IFTAP: variants seen among roughly 807,000 people sequenced by gnomAD.
IFTAP encodes intraflagellar transport associated protein, also known as intraflagellar transport-associated protein.
IFTAP carries 19 observed loss-of-function variants against 19.4 expected under a neutral mutation model. The observed-to-expected ratio is 0.98, with a 90% CI of 0.68 to 1.44. IFTAP has a LOEUF of 1.44. Among genes scored for constraint, IFTAP ranks in the 40% most tolerant of loss-of-function variants. IFTAP has a pLI of 0.00. For synonymous variants in IFTAP, 85 were observed against 83.5 expected (o/e 1.02, Z -0.10); for missense variants, 240 against 253.6 (o/e 0.95, Z 0.36).
At chr11:36,598,920 T>C (rs1851397709) in intron 1 of IFTAP, among the ~76,000 whole-genome samples, 1 of 152,224 alleles carries the variant, frequency 6.6e-6, no homozygotes, top group Admixed American at 6.5e-5. Context: ...AGATAATGTA[T>C]GCAAAGTGTT....
chr11:36,625,211 C>T (rs1216828660), intron 2 of IFTAP, among the ~76,000 whole-genome samples: 2 of 151,964 alleles, frequency 1.3e-5, no homozygotes, highest in African/African-American at 4.8e-5. Context: ...ACTTCTACTT[C>T]ATTAAGTTGT....
chr11:36,615,771 C>A (rs1254664173), intron 2 of IFTAP, among the ~76,000 whole-genome samples: 1 of 148,836 alleles, frequency 6.7e-6, no homozygotes, highest in Non-Finnish European at 1.5e-5. Context: ...GATTTTGTAT[C>A]CTGAGACTTT....
chr11:36,610,062 G>A lies in IFTAP; in HGVS notation c.-23-19G>A. The stretch of plus-strand genomic sequence containing the variant: ...GGTATTGCCTGATTCTCTCTAGCTG[G>A]TATTTTTCTGTCTTGCAGATACTGT... On this transcript the variant is annotated intron_variant, in intron 1 of 5. Transcript: ENST00000334307. 2 of 1,603,150 alleles carry A rather than the reference G, an allele frequency of 1.2e-6. No individual in the cohort carries two copies. The highest frequency in any genetic ancestry group is 1.3e-5 in the African/African-American group (1 of 74,424).
intron 5 of IFTAP, among the ~76,000 whole-genome samples, chr11:36,655,999 T>C (rs984225010): frequency 2.6e-5 from 4 of 152,160 alleles, no homozygotes; most frequent in Admixed American, 6.6e-5. Flanking sequence ...AATAAGATGT[T>C]TCTATTTTTA....
At chr11:36,656,900 A>C (rs1438889481) in intron 5 of IFTAP, among the ~76,000 whole-genome samples, 1 of 152,078 alleles carries the variant, frequency 6.6e-6, no homozygotes, top group Non-Finnish European at 1.5e-5. Context: ...GATTTGTCTA[A>C]TTTGAAATTG....
chr11:36,642,851 CA>C (rs1853288618), intron 4 of IFTAP, among the ~76,000 whole-genome samples: 1 of 152,116 alleles, frequency 6.6e-6, no homozygotes, highest in Non-Finnish European at 1.5e-5. Context: ...ATTGATGGGA[CA>C]TATCTCAAAA....
intron 2 of IFTAP, among the ~76,000 whole-genome samples, chr11:36,620,670 A>T (rs1023882829): frequency 2.0e-5 from 3 of 151,986 alleles, no homozygotes; most frequent in African/African-American, 7.2e-5. Context: ...AGGAAAGAAA[A>T]TGTATTTAAA....
At position 36,622,083 on chromosome 11, in the gene IFTAP, A is replaced by ATTTTTTTT. The variant is rs199873596; in HGVS notation, c.137-11195_137-11194insTTTTTTTT. ...TTATTTTACTTTAAGCTCTTGTTCTATTTTTTATTTTTTTTTTTGTGAAGG... is the reference window on the plus strand; with the variant it reads ...TTATTTTACTTTAAGCTCTTGTTCTATTTTTTTTTTTTTTATTTTTTTTTTTGTGAAGG... On this transcript the variant is annotated intron_variant, in intron 2 of 5. Transcript: ENST00000334307. Among the ~76,000 whole-genome samples, 1,020 of 137,952 alleles carry ATTTTTTTT rather than the reference A, an allele frequency of 7.4e-3. 24 individuals carry two copies. The highest frequency in any genetic ancestry group is 0.013 in the African/African-American group (449 of 35,670). 90.5% of individuals were successfully genotyped at this position (137,952 alleles called of 152,430 possible). A position where few individuals can be genotyped will look rare whatever the true frequency, so the allele number is the denominator to read the frequency against.
intron 1 of IFTAP, among the ~76,000 whole-genome samples, chr11:36,601,570 C>A (rs1851510064): frequency 3.3e-5 from 5 of 152,086 alleles, no homozygotes; most frequent in Admixed American, 3.3e-4. Context: ...AATGTTCTTG[C>A]TAGAAAAAAT....
chr11:36,652,632 G>C (rs143220402), intron 5 of IFTAP, among the ~76,000 whole-genome samples: 1,585 of 152,226 alleles, frequency 0.01, 26 homozygotes, highest in African/African-American at 0.037. Flanking sequence ...TCTTGTGCCA[G>C]TTTTCAAAGG....
At chr11:36,625,826 A>C (rs369943145) in intron 2 of IFTAP, among the ~76,000 whole-genome samples, 1 of 152,178 alleles carries the variant, frequency 6.6e-6, no homozygotes, top group Admixed American at 6.5e-5. Flanking sequence ...GCAATTTTAT[A>C]TAGTATGATC....
chr11:36,649,937 G>A (rs957993724), intron 5 of IFTAP, among the ~76,000 whole-genome samples: 1 of 152,086 alleles, frequency 6.6e-6, no homozygotes, highest in Non-Finnish European at 1.5e-5. Flanking sequence ...GAAACTTTTT[G>A]AGGGCTGACA....
At chr11:36,619,612 TTAGA>T (rs1476792089) in intron 2 of IFTAP, among the ~76,000 whole-genome samples, 1 of 151,298 alleles carries the variant, frequency 6.6e-6, no homozygotes, top group Non-Finnish European at 1.5e-5. Flanking sequence ...CTGTCATGTG[TTAGA>T]TAGAGACCAG....
chr11:36,611,042 C>T (rs1851859303), intron 2 of IFTAP, among the ~76,000 whole-genome samples: 1 of 152,072 alleles, frequency 6.6e-6, no homozygotes, highest in Non-Finnish European at 1.5e-5. Flanking sequence ...AGATCTGTTA[C>T]TTCCTCATGG....
chr11:36,621,378 G>A (rs545792019), intron 2 of IFTAP, among the ~76,000 whole-genome samples: 62 of 152,112 alleles, frequency 4.1e-4, no homozygotes, highest in African/African-American at 1.5e-3. Context: ...ACCACAATCT[G>A]TCTAGTATAT....
intron 1 of IFTAP, among the ~76,000 whole-genome samples, chr11:36,599,512 A>C (rs1055726736): frequency 6.6e-6 from 1 of 152,214 alleles, no homozygotes. Flanking sequence ...GTAAGGATTA[A>C]TGGATTAAAA....
chr11:36,633,075 A>C (rs1381618281), intron 2 of IFTAP, among the ~76,000 whole-genome samples: 1 of 151,256 alleles, frequency 6.6e-6, no homozygotes, highest in Admixed American at 6.6e-5. Context: ...CACTCAATAA[A>C]TATATGTTGA....
chr11:36,640,168 AC>A (rs1208328899), intron 4 of IFTAP, among the ~76,000 whole-genome samples: 1 of 152,058 alleles, frequency 6.6e-6, no homozygotes, highest in Non-Finnish European at 1.5e-5. Flanking sequence ...CCCCTCAGAA[AC>A]CCTAAGGTTG....
At chr11:36,638,096 G>A (rs1229932560) in intron 4 of IFTAP, among the ~76,000 whole-genome samples, 2 of 152,002 alleles carry the variant, frequency 1.3e-5, no homozygotes, top group Non-Finnish European at 2.9e-5. Context: ...TGCCCAGGCT[G>A]GTCTTGAACT....
Sources: gnomAD v4.1 joint callset for allele counts (sites outside exome capture counted in the v4.1 genomes callset) on GRCh38, gnomAD v4.1.1 for gene constraint, MANE v1.5 for transcripts, NCBI Gene and HGNC (gene_info 2026-07-23, HGNC 2026-07-21) for gene names.